SVIL: variants seen among roughly 807,000 people sequenced by gnomAD.
SVIL encodes supervillin.
A neutral mutation model predicts 240.4 loss-of-function variants in SVIL; 101 were observed. The observed-to-expected ratio is 0.42, with a 90% CI of 0.36 to 0.50. The LOEUF (loss-of-function observed/expected upper bound fraction) is 0.50, where lower values mean the gene tolerates loss of function less well. Ranked by LOEUF, SVIL falls within the 20% of genes least tolerant of loss-of-function variation. SVIL has a pLI of 0.01. For missense variants in SVIL, 2,512 were observed against 2,818.7 expected (o/e 0.89, Z 2.46); for synonymous variants, 999 against 1,100.0 (o/e 0.91, Z 1.82).
At chr10:29,568,738 G>C (rs559872549) in intron 2 of SVIL, among the ~76,000 whole-genome samples, 1 of 152,254 alleles carries the variant, frequency 6.6e-6, no homozygotes, top group South Asian at 2.1e-4. Context: ...GGTTAAGAGA[G>C]AGAGTTGAGA....
intron 30 of SVIL, 144 bp downstream of exon 30, chr10:29,473,694 A>C: frequency 9.5e-7 from 1 of 1,057,212 alleles, no homozygotes; most frequent in Non-Finnish European, 1.4e-6. Context: ...AGACCTGCAG[A>C]AGCCAGACCA....
intron 3 of SVIL, among the ~76,000 whole-genome samples, chr10:29,655,874 G>GTT (rs3030622): frequency 0.057 from 7,759 of 136,174 alleles, 307 homozygotes; most frequent in South Asian, 0.12. Context: ...GTATGTGTGG[G>GTT]TTTTTTTTTT....
At chr10:29,481,206 TTAAA>T (rs1164657359) in intron 28 of SVIL, among the ~76,000 whole-genome samples, 9 of 151,364 alleles carry the variant, frequency 5.9e-5, no homozygotes, top group Non-Finnish European at 1.2e-4. Context: ...TTTTTTTTAA[TTAAA>T]AAAGTATTTT....
chr10:29,606,142 C>T (rs1442552720), intron 1 of SVIL, among the ~76,000 whole-genome samples: 1 of 152,130 alleles, frequency 6.6e-6, no homozygotes, highest in East Asian at 1.9e-4. Flanking sequence ...AACTCCTGAA[C>T]TCAAGTGATC....
intron 6 of SVIL, among the ~76,000 whole-genome samples, chr10:29,549,139 G>C (rs1164229990): frequency 6.9e-6 from 1 of 144,190 alleles, no homozygotes; most frequent in African/African-American, 2.6e-5. Context: ...CTAATATCCA[G>C]AATCTACAAT....
chr10:29,663,350 G>C (rs893772791), intron 2 of SVIL, among the ~76,000 whole-genome samples: 6 of 152,090 alleles, frequency 3.9e-5, no homozygotes, highest in Admixed American at 3.9e-4. Context: ...CAACTTTTCT[G>C]TACTTTACCT....
chr10:29,606,915 C>T (rs553157271), intron 1 of SVIL, among the ~76,000 whole-genome samples: 21 of 152,210 alleles, frequency 1.4e-4, no homozygotes, highest in Admixed American at 7.2e-4. Flanking sequence ...CCACCACACC[C>T]GGCTAATTTT....
chr10:29,690,506 C>A (rs935729067), intron 1 of SVIL, among the ~76,000 whole-genome samples: 1 of 152,000 alleles, frequency 6.6e-6, no homozygotes, highest in Non-Finnish European at 1.5e-5. Context: ...TCATTTAGAA[C>A]CAAGCATACA....
intron 34 of SVIL, 51 bp downstream of exon 34, chr10:29,465,544 T>C (rs748393250): frequency 1.0e-5 from 16 of 1,542,750 alleles, no homozygotes; most frequent in Non-Finnish European, 1.2e-5. Context: ...AAAGGCTTTC[T>C]GGAAGATGTG....
intron 1 of SVIL, among the ~76,000 whole-genome samples, chr10:29,608,502 C>T (rs11007669): frequency 0.24 from 36,031 of 152,256 alleles, 5,011 homozygotes; most frequent in East Asian, 0.34. Context: ...GCTGCCCAGC[C>T]GTGGACCTGG....
At chr10:29,572,331 G>A (rs1245302664) in intron 1 of SVIL, among the ~76,000 whole-genome samples, 3 of 152,022 alleles carry the variant, frequency 2.0e-5, no homozygotes, top group African/African-American at 4.8e-5. Flanking sequence ...AAAACTCAGC[G>A]AGGAACAACG....
intron 1 of SVIL, among the ~76,000 whole-genome samples, chr10:29,716,626 C>T (rs1963625851): frequency 6.6e-6 from 1 of 152,162 alleles, no homozygotes; most frequent in Non-Finnish European, 1.5e-5. Flanking sequence ...GCCATCTCCC[C>T]TCGACAGTCA....
chr10:29,623,252 C>T (rs1232379213), intron 1 of SVIL, among the ~76,000 whole-genome samples: 1 of 152,212 alleles, frequency 6.6e-6, no homozygotes, highest in Non-Finnish European at 1.5e-5. Context: ...TTCCTCTGGT[C>T]CTGTGCTGTC....
rs566129938 is a variant in SVIL at position 29,540,214 on chromosome 10, C to T, written c.828-4145G>A. Among the ~76,000 whole-genome samples the T allele has an allele frequency of 2.8e-4, 43 of 152,278 alleles. 1 individual carries two copies. In the South Asian group the frequency reaches 6.4e-3, roughly 23 times the overall value. ...AGTAGGGCAAACCCCAAAGCCCTTG[C>T]GGTGGTTCTAAGGCCCTCCCCGATC... On this transcript the variant is annotated intron_variant, in intron 6 of 37. Coordinates refer to ENST00000355867, the MANE Select transcript of SVIL (RefSeq NM_021738.3).
At chr10:29,654,938 G>A (rs369739389) in intron 3 of SVIL, among the ~76,000 whole-genome samples, 61 of 152,016 alleles carry the variant, frequency 4.0e-4, no homozygotes, top group African/African-American at 1.1e-3. Context: ...ATCCAGGCCC[G>A]GAGTCAATTG....
chr10:29,545,578 C>T lies in SVIL; in HGVS notation c.827+5019G>A, dbSNP rs148991187. 7.7e-3 allele frequency among the ~76,000 whole-genome samples: 1,177 copies of T among 152,172 alleles called. 18 individuals carry two copies. The highest frequency in any genetic ancestry group is 0.026 in the African/African-American group (1,066 of 41,532). ...CCACTAGAAAATGAGGTCTACCAGCCGGGCGTGGTGGCTCACGCCTGTAAT... is the reference window on the plus strand; with the variant it reads ...CCACTAGAAAATGAGGTCTACCAGCTGGGCGTGGTGGCTCACGCCTGTAAT... On this transcript the variant is annotated intron_variant, in intron 6 of 37. Transcript: ENST00000355867.
chr10:29,714,240 A>G (rs1278374655), intron 1 of SVIL, among the ~76,000 whole-genome samples: 1 of 152,242 alleles, frequency 6.6e-6, no homozygotes, highest in Non-Finnish European at 1.5e-5. Context: ...GTGCAAAGCT[A>G]TCCTGAGTCA....
chr10:29,610,358 C>G (rs142256083), intron 1 of SVIL, among the ~76,000 whole-genome samples: 14 of 152,236 alleles, frequency 9.2e-5, no homozygotes, highest in African/African-American at 3.4e-4. Context: ...TCCTTCCAGA[C>G]TCCCAAGGTT....
Position 29,467,629 on chromosome 10 carries a change from G to A in SVIL, c.5977+113C>T, listed in dbSNP as rs981330506. 1.1e-5 allele frequency: 15 copies of A among 1,386,736 alleles called. No individual in the cohort carries two copies. The African/African-American group carries it at 2.1e-4, about 20-fold the overall frequency. 85.9% of individuals were successfully genotyped at this position (1,386,736 alleles called of 1,614,324 possible). On this transcript the variant is annotated intron_variant, in intron 33 of 37. Transcript: ENST00000355867. ...GATCACTTGAGCCCAGGAGGTTGAA[G>A]CTGCAGTGAGCTGTGATCATACCAC...
Sources: allele counts gnomAD v4.1 joint callset (sites outside exome capture counted in the v4.1 genomes callset), GRCh38; gene constraint gnomAD v4.1.1; transcripts MANE v1.5; gene names NCBI Gene and HGNC (gene_info 2026-07-23, HGNC 2026-07-21).